MAP9: variants seen among roughly 807,000 people sequenced by gnomAD.
The protein encoded by MAP9 is microtubule associated protein 9.
In MAP9, 80 loss-of-function variants were observed where a neutral mutation model predicts 75.2. The ratio of observed to expected loss-of-function variants is 1.06; its 90% CI spans 0.89 to 1.28. The LOEUF (loss-of-function observed/expected upper bound fraction) is 1.28, where lower values mean the gene tolerates loss of function less well. Among genes scored for constraint, MAP9 ranks in the 50% most tolerant of loss-of-function variants. The probability of loss-of-function intolerance (pLI) is 0.00; values close to 1 mark genes in which losing one functional copy is unlikely to be tolerated. For missense variants in MAP9, 753 were observed against 719.9 expected, an observed-to-expected ratio of 1.05 and a Z score of -0.53; for synonymous variants, 235 against 237.3, an observed-to-expected ratio of 0.99 and a Z score of 0.09.
Position 155,355,180 on chromosome 4 carries a change from G to A in MAP9, c.1291-20C>T. On this transcript the variant is annotated intron_variant, in intron 9 of 13. Coordinates refer to ENST00000311277, the MANE Select transcript of MAP9 (RefSeq NM_001039580.2). Reference sequence around the variant, plus strand: ...CCACTCCTATAAGAACAAGAAAAAGGTCATATAATATTTAAAATTTCTTAA... The same window carrying A: ...CCACTCCTATAAGAACAAGAAAAAGATCATATAATATTTAAAATTTCTTAA... 2.4e-6 allele frequency: 2 copies of A among 835,488 alleles called. No individual in the cohort carries two copies. The highest frequency in any genetic ancestry group is 3.1e-5 in the Admixed American group (1 of 32,550). 51.8% of individuals were successfully genotyped at this position (835,488 alleles called of 1,614,324 possible).
At chr4:155,351,870 A>T (rs918711292) in intron 13 of MAP9, among the ~76,000 whole-genome samples, 44 of 151,924 alleles carry the variant, frequency 2.9e-4, no homozygotes, top group African/African-American at 1.0e-3. Context: ...TGGTTGCTGA[A>T]TCATATGAAT....
At chr4:155,357,357 C>T (rs770706626) in intron 8 of MAP9, 92 bp downstream of exon 8, 14 of 842,012 alleles carry the variant, frequency 1.7e-5, no homozygotes, top group African/African-American at 8.4e-5. Context: ...AATACAGTAA[C>T]ACCAAATGAA....
intron 13 of MAP9, among the ~76,000 whole-genome samples, chr4:155,350,772 T>C (rs1230967818): frequency 6.6e-6 from 1 of 151,978 alleles, no homozygotes; most frequent in Admixed American, 6.6e-5. Flanking sequence ...TGGCTTTTGT[T>C]AAGATTGCAT....
intron 6 of MAP9, chr4:155,361,457 A>C (rs1404963092): frequency 6.6e-6 from 1 of 152,136 alleles, no homozygotes; most frequent in Non-Finnish European, 1.5e-5. Context: ...GGTTTCATTA[A>C]GCTACGTATC....
At position 155,343,245 on chromosome 4, in the gene MAP9, C is replaced by T. The variant is rs185068080; in HGVS notation, c.*4538G>A. ...ATGCATACATATTTGTATATACACA[C>T]AGATAGCACAGGAGAGAGACAGAGT... On this transcript the variant is annotated 3_prime_UTR_variant, in exon 14 of 14. Coordinates refer to ENST00000311277, the MANE Select transcript of MAP9 (RefSeq NM_001039580.2). 3 of 149,602 alleles carry T rather than the reference C, an allele frequency of 2.0e-5. No individual in the cohort carries two copies. The East Asian group carries it at 5.8e-4, about 29-fold the overall frequency. The allele number at this position is 149,602 out of a possible 1,614,324, so 9.3% of individuals were successfully genotyped here.
At chr4:155,372,846 G>A in intron 4 of MAP9, 2 of 220,254 alleles carry the variant, frequency 9.1e-6, no homozygotes, top group Middle Eastern at 1.7e-3. Flanking sequence ...GAGATCCACA[G>A]CTATGGATGC....
chr4:155,358,465 A>G (rs574991459), intron 7 of MAP9, among the ~76,000 whole-genome samples: 119 of 152,250 alleles, frequency 7.8e-4, no homozygotes, highest in African/African-American at 2.8e-3. Context: ...CTTGTATTTT[A>G]TGTTATAAAA....
intron 7 of MAP9, among the ~76,000 whole-genome samples, chr4:155,358,672 T>C (rs1045406309): frequency 2.0e-5 from 3 of 152,072 alleles, no homozygotes; most frequent in African/African-American, 7.2e-5. Context: ...TCCTACATAT[T>C]ACATATCTGT....
At chr4:155,369,455 A>T (rs1228816462) in intron 4 of MAP9, among the ~76,000 whole-genome samples, 12 of 57,942 alleles carry the variant, frequency 2.1e-4, no homozygotes, top group Admixed American at 6.3e-4. Flanking sequence ...TTATAATATT[A>T]AAAAAAAAAT....
rs916423864 is a variant in MAP9, at chr4:155,344,496, C to T, written c.*3287G>A. Reference sequence around the variant, plus strand: ...GCCAGGTTTATTAAAGTATTAAAACCCCTTTCAGAGGCATAGTTCTATAAC... The same window carrying T: ...GCCAGGTTTATTAAAGTATTAAAACTCCTTTCAGAGGCATAGTTCTATAAC... On this transcript the variant is annotated 3_prime_UTR_variant, in exon 14 of 14. Coordinates refer to ENST00000311277, the MANE Select transcript of MAP9 (RefSeq NM_001039580.2). 6.6e-6 allele frequency: 1 copy of T among 151,828 alleles called. No homozygotes were observed. Among genetic ancestry groups the T allele is most frequent in the South Asian group, 2.1e-4 (1 of 4,820 alleles). The allele number at this position is 151,828 out of a possible 1,614,324, so 9.4% of individuals were successfully genotyped here. A position where few individuals can be genotyped will look rare whatever the true frequency, so the allele number is the denominator to read the frequency against.
Position 155,373,458 on chromosome 4 carries a change from T to G in MAP9, c.161-2A>C, listed in dbSNP as rs149881598. 112 of 1,475,474 alleles carry G rather than the reference T, an allele frequency of 7.6e-5. 1 individual carries two copies. In the African/African-American group the frequency reaches 1.9e-3, roughly 25 times the overall value. 91.4% of individuals were successfully genotyped at this position (1,475,474 alleles called of 1,614,324 possible). On this transcript the variant is annotated splice_acceptor_variant, in intron 3 of 13. Transcript: ENST00000311277. LOFTEE classifies it high-confidence loss of function. ...TGTCAGAAAAATCACCTAAAGAAAC[T>G]GAAAAATGGAAAAGAAAAATGTTTT...
chr4:155,360,302 G>A lies in MAP9; in HGVS notation c.916C>T (p.Gln306Ter), dbSNP rs1176862735. 6.2e-7 allele frequency: 1 copy of A among 1,613,056 alleles called. No homozygotes were observed. The highest frequency in any genetic ancestry group is 8.5e-7 in the Non-Finnish European group (1 of 1,179,420). The change falls in exon 7 of 14, where the codon CAA (glutamine) becomes TAA (stop). Residue 306 changes from glutamine (Q) to a stop codon, truncating the protein, a stop_gained. Coordinates refer to ENST00000311277, the MANE Select transcript of MAP9 (RefSeq NM_001039580.2). LOFTEE classifies it high-confidence loss of function. Reference sequence around the variant, plus strand: ...TCTTCAAGGTCATCAGCAGTCACTTGACTTTCCTTGGATTTCTCAACTGCA... The same window carrying A: ...TCTTCAAGGTCATCAGCAGTCACTTAACTTTCCTTGGATTTCTCAACTGCA... The part of the protein sequence containing the change: ...TTAVEKSKES[Q>*]VTADDLEEEK...
chr4:155,365,639 T>G (rs1304157566), intron 5 of MAP9, among the ~76,000 whole-genome samples: 2 of 152,040 alleles, frequency 1.3e-5, no homozygotes, highest in Non-Finnish European at 2.9e-5. Context: ...TTTTAAAAAT[T>G]TGAAATCATG....
chr4:155,345,224 G>A lies in MAP9; in HGVS notation c.*2559C>T, dbSNP rs1033936312. The stretch of plus-strand genomic sequence containing the variant: ...CCCGAACTCAGCTTTATTTGTGCTA[G>A]AAGAGGTGATTTTATTCAACTAGTT... On this transcript the variant is annotated 3_prime_UTR_variant, in exon 14 of 14. Coordinates refer to ENST00000311277, the MANE Select transcript of MAP9 (RefSeq NM_001039580.2). 2 of 151,978 alleles carry A rather than the reference G, an allele frequency of 1.3e-5. No homozygotes were observed. Among genetic ancestry groups the A allele is most frequent in the Non-Finnish European group, 2.9e-5 (2 of 67,902 alleles). 9.4% of individuals were successfully genotyped at this position (151,978 alleles called of 1,614,324 possible). A position where few individuals can be genotyped will look rare whatever the true frequency, so the allele number is the denominator to read the frequency against.
intron 7 of MAP9, among the ~76,000 whole-genome samples, chr4:155,359,608 T>C (rs550714384): frequency 7.2e-5 from 11 of 152,108 alleles, no homozygotes; most frequent in Non-Finnish European, 1.3e-4. Flanking sequence ...AGCAACTTCA[T>C]CACCTCTGGA....
In MAP9 at chr4:155,373,151, T is replaced by C. The variant is rs779411911; in HGVS notation, c.466A>G (p.Lys156Glu). 6.4e-7 allele frequency: 1 copy of C among 1,558,014 alleles called. No individual in the cohort carries two copies. Among genetic ancestry groups the C allele is most frequent in the East Asian group, 2.3e-5 (1 of 44,146 alleles). The change falls in exon 4 of 14, where the codon AAA (lysine) becomes GAA (glutamate). Residue 156 changes from lysine to glutamate, a missense_variant. By Grantham distance (56) the Lys-to-Glu change is moderately conservative (BLOSUM62 1). Transcript: ENST00000311277. ...AACAAATTACCTGAAGATGTGCTTTTAATTGAAAGAATTCTGGGTTTAGGT... is the reference window on the plus strand; with the variant it reads ...AACAAATTACCTGAAGATGTGCTTTCAATTGAAAGAATTCTGGGTTTAGGT... ...MKPKPRILSIKSTSSAENNSL... is the reference protein window; with the variant it reads ...MKPKPRILSIESTSSAENNSL...
At chr4:155,355,657 C>T in intron 9 of MAP9, 59 bp downstream of exon 9, 1 of 1,286,116 alleles carries the variant, frequency 7.8e-7, no homozygotes, top group Non-Finnish European at 1.1e-6. Flanking sequence ...TCTTTATAAA[C>T]AGTGTAGGCT....
intron 10 of MAP9, among the ~76,000 whole-genome samples, chr4:155,354,710 C>T (rs577320802): frequency 3.1e-4 from 47 of 152,140 alleles, no homozygotes; most frequent in Non-Finnish European, 6.0e-4. Flanking sequence ...GGAATCCCAT[C>T]TGCCTTGGCC....
In MAP9 at chr4:155,344,680, C is replaced by T. The variant is rs1021650703; in HGVS notation, c.*3103G>A. On this transcript the variant is annotated 3_prime_UTR_variant, in exon 14 of 14. Coordinates refer to ENST00000311277, the MANE Select transcript of MAP9 (RefSeq NM_001039580.2). ...ACTGGAATATTTTTATCCCATAAATCGTTACTTTCTTTCATTAAGAAAACT... is the reference window on the plus strand; with the variant it reads ...ACTGGAATATTTTTATCCCATAAATTGTTACTTTCTTTCATTAAGAAAACT... 6.6e-6 allele frequency: 1 copy of T among 151,826 alleles called. No homozygotes were observed. The highest frequency in any genetic ancestry group is 1.5e-5 in the Non-Finnish European group (1 of 67,826). 9.4% of individuals were successfully genotyped at this position (151,826 alleles called of 1,614,324 possible).
Sources: gnomAD v4.1 joint callset for allele counts (sites outside exome capture counted in the v4.1 genomes callset) on GRCh38, gnomAD v4.1.1 for gene constraint, MANE v1.5 for transcripts, NCBI Gene and HGNC (gene_info 2026-07-23, HGNC 2026-07-21) for gene names.